CTIF: variants seen among roughly 807,000 people sequenced by gnomAD.
CTIF encodes CBP80/20-dependent translation initiation factor.
CTIF carries 21 observed loss-of-function variants against 66.0 expected under a neutral mutation model. The ratio of observed to expected loss-of-function variants is 0.32; its 90% CI spans 0.23 to 0.46. The LOEUF (loss-of-function observed/expected upper bound fraction) is 0.46. Ranked by LOEUF, CTIF falls within the 20% of genes least tolerant of loss-of-function variation. CTIF has a pLI of 1.00. For synonymous variants in CTIF, 345 were observed against 326.4 expected (o/e 1.06, Z -0.62); for missense variants, 739 against 812.7 (o/e 0.91, Z 1.10).
intron 6 of CTIF, among the ~76,000 whole-genome samples, chr18:48,681,234 G>A (rs1348832355): frequency 6.6e-6 from 1 of 152,238 alleles, no homozygotes; most frequent in Non-Finnish European, 1.5e-5. Context: ...TACAGCCAGG[G>A]GGGCTGGGGG....
intron 2 of CTIF, among the ~76,000 whole-genome samples, chr18:48,627,346 C>T (rs577542959): frequency 2.8e-4 from 43 of 152,016 alleles, no homozygotes; most frequent in Non-Finnish European, 5.3e-4. Flanking sequence ...GAAAGACAGA[C>T]AATAGAGGGA....
intron 9 of CTIF, among the ~76,000 whole-genome samples, chr18:48,767,011 G>A (rs536622344): frequency 6.6e-6 from 1 of 152,310 alleles, no homozygotes; most frequent in South Asian, 2.1e-4. Context: ...ACGGTGCCAG[G>A]CTGTACCAGA....
At chr18:48,815,832 A>G (rs2068351252) in intron 9 of CTIF, among the ~76,000 whole-genome samples, 1 of 151,702 alleles carries the variant, frequency 6.6e-6, no homozygotes, top group African/African-American at 2.4e-5. Context: ...GCTCTGAGTC[A>G]CATTCTACAA....
intron 1 of CTIF, among the ~76,000 whole-genome samples, chr18:48,560,484 C>T (rs527240964): frequency 6.6e-4 from 101 of 152,240 alleles, no homozygotes; most frequent in African/African-American, 2.3e-3. Flanking sequence ...CTCGGCCTCC[C>T]AAAGTGCTGG....
intron 10 of CTIF, among the ~76,000 whole-genome samples, chr18:48,837,132 A>G (rs887590877): frequency 2.0e-5 from 3 of 152,168 alleles, no homozygotes; most frequent in African/African-American, 7.2e-5. Flanking sequence ...CTCCCATCCA[A>G]TGCCCAGGGG....
At chr18:48,628,785 T>G (rs299706) in intron 2 of CTIF, among the ~76,000 whole-genome samples, 60,647 of 152,036 alleles carry the variant, frequency 0.4, 14,138 homozygotes, top group African/African-American at 0.65. Context: ...GTTTGTTCCT[T>G]AAAAGATGGG....
chr18:48,641,303 A>T (rs778376285), intron 3 of CTIF, among the ~76,000 whole-genome samples: 1 of 152,168 alleles, frequency 6.6e-6, no homozygotes, highest in Non-Finnish European at 1.5e-5. Flanking sequence ...AAGAACAGGA[A>T]ATTAATATGC....
chr18:48,730,625 G>T lies in CTIF; in HGVS notation c.584+18930G>T, dbSNP rs1186032058. On this transcript the variant is annotated intron_variant, in intron 7 of 11. Coordinates refer to ENST00000256413, the MANE Select transcript of CTIF (RefSeq NM_014772.3). ...CTTCTGCTGTGTGAGGGGCTCCTGC[G>T]GTGTGAGGGGCCCCTGTGGTGTGAG... Among the ~76,000 whole-genome samples, 108 of 114,280 alleles carry T rather than the reference G, an allele frequency of 9.5e-4. 17 individuals carry two copies. Among genetic ancestry groups the T allele is most frequent in the South Asian group, 1.5e-3 (5 of 3,308 alleles). The allele number at this position is 114,280 out of a possible 152,430, so 75.0% of individuals were successfully genotyped here. A position where few individuals can be genotyped will look rare whatever the true frequency, so the allele number is the denominator to read the frequency against.
At chr18:48,568,826 T>C (rs1291097916) in intron 1 of CTIF, among the ~76,000 whole-genome samples, 1 of 151,990 alleles carries the variant, frequency 6.6e-6, no homozygotes, top group Non-Finnish European at 1.5e-5. Context: ...GTGAGACTTA[T>C]TCACTGTCAC....
intron 6 of CTIF, among the ~76,000 whole-genome samples, chr18:48,696,453 C>T (rs1031963559): frequency 6.6e-6 from 1 of 152,164 alleles, no homozygotes; most frequent in Non-Finnish European, 1.5e-5. Context: ...CTCACCGTCC[C>T]GGCCTGTGTT....
At chr18:48,741,420 CT>C (rs11425141) in intron 7 of CTIF, among the ~76,000 whole-genome samples, 132 of 104,822 alleles carry the variant, frequency 1.3e-3, no homozygotes, top group South Asian at 4.1e-3. Context: ...GTGACCAGGG[CT>C]TTTTTTTTTT....
intron 7 of CTIF, among the ~76,000 whole-genome samples, chr18:48,713,471 G>C (rs2092249301): frequency 6.6e-6 from 1 of 152,124 alleles, no homozygotes; most frequent in Non-Finnish European, 1.5e-5. Context: ...GTGACCCAGG[G>C]ATGTAGGAAG....
At chr18:48,558,179 G>A (rs1234440083) in intron 1 of CTIF, among the ~76,000 whole-genome samples, 1 of 152,188 alleles carries the variant, frequency 6.6e-6, no homozygotes, top group Non-Finnish European at 1.5e-5. Context: ...ATGATTTTCA[G>A]TTAGATACTT....
At chr18:48,673,771 T>G (rs1295545831) in intron 6 of CTIF, 3 of 152,206 alleles carry the variant, frequency 2.0e-5, no homozygotes, top group African/African-American at 4.8e-5. Context: ...CAAAACAAAT[T>G]TTTAAACTTT....
At chr18:48,699,396 G>GGCTGGGGCTGGA (rs1351659381) in intron 6 of CTIF, among the ~76,000 whole-genome samples, 8 of 145,786 alleles carry the variant, frequency 5.5e-5, no homozygotes, top group African/African-American at 2.2e-4. Context: ...GCCAGCATGG[G>GGCTGGGGCTGGA]GCTGGGGCTG....
chr18:48,658,716 G>T (rs1011144870), intron 3 of CTIF, among the ~76,000 whole-genome samples: 1 of 152,100 alleles, frequency 6.6e-6, no homozygotes, highest in Non-Finnish European at 1.5e-5. Context: ...TGTGTCTGTG[G>T]CATATGTACA....
rs553711062 is a variant in CTIF, at chr18:48,666,778, G to A, written c.431+2227G>A. On this transcript the variant is annotated intron_variant, in intron 5 of 11. Transcript: ENST00000256413. ...ACCCCATCCACCCTGCTCACTGCCT[G>A]CTCAGCCCACTCATTCAGTTGCAGG... Among the ~76,000 whole-genome samples the A allele has an allele frequency of 3.9e-5, 6 of 152,310 alleles. 1 individual carries two copies. The South Asian group carries it at 1.2e-3, about 32-fold the overall frequency.
intron 10 of CTIF, among the ~76,000 whole-genome samples, chr18:48,842,841 C>T (rs2068978643): frequency 1.3e-5 from 2 of 152,206 alleles, no homozygotes; most frequent in South Asian, 2.1e-4. Flanking sequence ...CTTATCACAC[C>T]CTGCCCCCAC....
chr18:48,640,586 G>C (rs920120296), intron 3 of CTIF, among the ~76,000 whole-genome samples: 2 of 152,268 alleles, frequency 1.3e-5, no homozygotes, highest in Non-Finnish European at 2.9e-5. Context: ...GCTACATGGA[G>C]ATGCGGTGGC....
Sources: gnomAD v4.1 joint callset for allele counts (sites outside exome capture counted in the v4.1 genomes callset) on GRCh38, gnomAD v4.1.1 for gene constraint, MANE v1.5 for transcripts, NCBI Gene and HGNC (gene_info 2026-07-23, HGNC 2026-07-21) for gene names.